The following ST8SIA5 variants were observed in gnomAD, a reference collection of about 807,000 sequenced individuals.
The protein encoded by ST8SIA5 is ST8 alpha-N-acetyl-neuraminide alpha-2,8-sialyltransferase 5.
ST8SIA5 carries 24 observed loss-of-function variants against 40.2 expected under a neutral mutation model. The observed-to-expected ratio is 0.60, with a 90% confidence interval of 0.43 to 0.84. The LOEUF is 0.84. Ranked by LOEUF, ST8SIA5 falls within the 40% of genes least tolerant of loss-of-function variation. The pLI is 0.00. For missense variants in ST8SIA5, 465 were observed against 498.5 expected (o/e 0.93, Z 0.64); for synonymous variants, 198 against 201.8 (o/e 0.98, Z 0.16).
At chr18:46,721,348 G>T in intron 1 of ST8SIA5, 2 of 1,535,680 alleles carry the variant, frequency 1.3e-6, no homozygotes, top group Non-Finnish European at 1.7e-6. Context: ...CTGGCCTTTT[G>T]CCGGGGTCTG....
chr18:46,754,457 G>C (rs540513637), intron 1 of ST8SIA5, among the ~76,000 whole-genome samples: 2 of 152,272 alleles, frequency 1.3e-5, no homozygotes, highest in East Asian at 3.9e-4. Flanking sequence ...GCCCCAAATA[G>C]ACTTCGAGTC....
In ST8SIA5 at chr18:46,673,990, C is replaced by T. The variant is rs377001149; in HGVS notation, c.*6052G>A. The T allele has an allele frequency of 6.6e-6, 1 of 152,094 alleles. No individual in the cohort carries two copies. Among genetic ancestry groups the T allele is most frequent in the African/African-American group, 2.4e-5 (1 of 41,408 alleles). The allele number at this position is 152,094 out of a possible 1,614,324, so 9.4% of individuals were successfully genotyped here. ...AGCTCAGAGAAGCAGCACCTTTTTT[C>T]CCCCAGGAAACAACCCCATGCTCCT... On this transcript the variant is annotated 3_prime_UTR_variant, in exon 7 of 7. Transcript: ENST00000315087.
intron 2 of ST8SIA5, among the ~76,000 whole-genome samples, chr18:46,701,089 C>T (rs1043725449): frequency 4.0e-5 from 6 of 149,326 alleles, no homozygotes; most frequent in African/African-American, 1.5e-4. Flanking sequence ...TAGGTCCTAA[C>T]CCCCAGGACC....
intron 5 of ST8SIA5, among the ~76,000 whole-genome samples, chr18:46,685,436 CA>C (rs1289825995): frequency 3.3e-5 from 5 of 152,198 alleles, no homozygotes; most frequent in Admixed American, 3.3e-4. Flanking sequence ...CCTGTGACAG[CA>C]GGTGACGCAG....
chr18:46,714,292 T>A (rs141123290), intron 1 of ST8SIA5, among the ~76,000 whole-genome samples: 220 of 152,052 alleles, frequency 1.4e-3, no homozygotes, highest in African/African-American at 5.0e-3. Context: ...ATCTAATGGG[T>A]GGGTGGATGC....
rs72220502 is a variant in ST8SIA5 at position 46,725,959 on chromosome 18, TA to T, written c.132-21296del. Among the ~76,000 whole-genome samples, 164 of 17,180 alleles carry T rather than the reference TA, an allele frequency of 9.5e-3. 2 individuals are homozygous for T. The highest frequency in any genetic ancestry group is 0.024 in the East Asian group (16 of 680). 11.3% of individuals were successfully genotyped at this position (17,180 alleles called of 152,430 possible). A position where few individuals can be genotyped will look rare whatever the true frequency, so the allele number is the denominator to read the frequency against. On this transcript the variant is annotated intron_variant, in intron 1 of 6. Transcript: ENST00000315087. ...AACATGGTGAAACCCCATCTCTACT[TA>T]AAAAAAAAAAAAATATATATATATA...
chr18:46,724,560 G>A (rs1466340617), intron 1 of ST8SIA5, among the ~76,000 whole-genome samples: 1 of 152,214 alleles, frequency 6.6e-6, no homozygotes, highest in Non-Finnish European at 1.5e-5. Context: ...AGATCACCAA[G>A]GTATTTCTTG....
At chr18:46,726,534 C>A (rs2039931597) in intron 1 of ST8SIA5, among the ~76,000 whole-genome samples, 1 of 151,832 alleles carries the variant, frequency 6.6e-6, no homozygotes, top group Non-Finnish European at 1.5e-5. Context: ...GTTAACACTG[C>A]TAATTCTCAG....
In ST8SIA5 at chr18:46,744,594, A is replaced by G. The variant is rs904923972; in HGVS notation, c.131+11784T>C. 4.9e-4 allele frequency among the ~76,000 whole-genome samples: 74 copies of G among 152,222 alleles called. 1 individual carries two copies. The highest frequency in any genetic ancestry group is 1.2e-4 in the Non-Finnish European group (8 of 68,046). ...TCCTTAGATACCTACAAAGAGACTT[A>G]GACTCCCACACAATAATAATGGGAG... is the stretch of plus-strand genomic sequence containing the variant. On this transcript the variant is annotated intron_variant, in intron 1 of 6. Coordinates refer to ENST00000315087, the MANE Select transcript of ST8SIA5 (RefSeq NM_013305.6).
chr18:46,671,729 T>C lies in ST8SIA5; in HGVS notation c.*8313A>G, dbSNP rs1429191630. 2.0e-5 allele frequency: 3 copies of C among 152,226 alleles called. No homozygotes were observed. Among genetic ancestry groups the C allele is most frequent in the African/African-American group, 7.2e-5 (3 of 41,448 alleles). The allele number at this position is 152,226 out of a possible 1,614,324, so 9.4% of individuals were successfully genotyped here. A position where few individuals can be genotyped will look rare whatever the true frequency, so the allele number is the denominator to read the frequency against. On this transcript the variant is annotated 3_prime_UTR_variant, in exon 7 of 7. Coordinates refer to ENST00000315087, the MANE Select transcript of ST8SIA5 (RefSeq NM_013305.6). ...AGAAGAAATCTATGTTACTTTGCTT[T>C]AAAAATATGTCATAATATTTATCTG...
chr18:46,692,663 A>C (rs1381928204), intron 2 of ST8SIA5, among the ~76,000 whole-genome samples: 1 of 152,080 alleles, frequency 6.6e-6, no homozygotes, highest in African/African-American at 2.4e-5. Flanking sequence ...TCGGTCTCCC[A>C]AAGTGCTGGG....
chr18:46,715,650 G>C (rs2144518920), intron 1 of ST8SIA5, among the ~76,000 whole-genome samples: 1 of 151,868 alleles, frequency 6.6e-6, no homozygotes, highest in African/African-American at 2.4e-5. Flanking sequence ...CATGATCTCA[G>C]CTCACTGCAG....
rs151046038 is a variant in ST8SIA5, at chr18:46,725,628, G to A, written c.132-20964C>T. Among the ~76,000 whole-genome samples the A allele has an allele frequency of 2.2e-4, 33 of 152,154 alleles. No homozygotes were observed. In the East Asian group the frequency reaches 5.8e-3, roughly 27 times the overall value. ...ACCAGAAAGCTGGTTACTTTTGTAG[G>A]TGGAATTAAAGTTTATTTTTTCTTT... On this transcript the variant is annotated intron_variant, in intron 1 of 6. Transcript: ENST00000315087.
intron 5 of ST8SIA5, among the ~76,000 whole-genome samples, chr18:46,685,523 C>G (rs983265744): frequency 1.3e-5 from 2 of 152,122 alleles, no homozygotes; most frequent in Non-Finnish European, 2.9e-5. Context: ...GCAGGAGTCC[C>G]TTTATTTAAG....
intron 1 of ST8SIA5, among the ~76,000 whole-genome samples, chr18:46,729,924 G>A (rs1222984702): frequency 6.6e-6 from 1 of 152,132 alleles, no homozygotes; most frequent in Non-Finnish European, 1.5e-5. Context: ...GTGAACTGGA[G>A]GAGGCCAGGC....
intron 3 of ST8SIA5, chr18:46,691,968 A>C: frequency 3.3e-6 from 2 of 599,596 alleles, no homozygotes; most frequent in East Asian, 2.9e-5. Context: ...AAGGTGGAGG[A>C]TAGCACCTGG....
intron 2 of ST8SIA5, among the ~76,000 whole-genome samples, chr18:46,703,381 C>T (rs1018546999): frequency 1.2e-4 from 19 of 152,258 alleles, no homozygotes; most frequent in African/African-American, 4.3e-4. Flanking sequence ...ATCTCCTGAC[C>T]TTGTGATCCT....
rs1400372685 is a variant in ST8SIA5, at chr18:46,668,318, C to T, written c.*11724G>A. On this transcript the variant is annotated 3_prime_UTR_variant, in exon 7 of 7. Transcript: ENST00000315087. ...TTTTCTTCATACGCAGGAGGCCACT[C>T]AGAAATGAGCCGGTGCACCAGCCAC... The T allele has an allele frequency of 6.6e-6, 1 of 152,230 alleles. No individual in the cohort carries two copies. Among genetic ancestry groups the T allele is most frequent in the African/African-American group, 2.4e-5 (1 of 41,458 alleles). The allele number at this position is 152,230 out of a possible 1,614,324, so 9.4% of individuals were successfully genotyped here. A position where few individuals can be genotyped will look rare whatever the true frequency, so the allele number is the denominator to read the frequency against.
intron 1 of ST8SIA5, among the ~76,000 whole-genome samples, chr18:46,750,602 A>T (rs74396395): frequency 1.3e-5 from 2 of 151,946 alleles, no homozygotes; most frequent in African/African-American, 2.4e-5. Flanking sequence ...CTGCCAACCC[A>T]GCAGACACCT....
Sources: gnomAD v4.1 joint callset for allele counts (sites outside exome capture counted in the v4.1 genomes callset) on GRCh38, gnomAD v4.1.1 for gene constraint, MANE v1.5 for transcripts, NCBI Gene and HGNC (gene_info 2026-07-23, HGNC 2026-07-21) for gene names.